CTNND2: variants seen among roughly 807,000 people sequenced by gnomAD.
The protein encoded by CTNND2 is catenin delta 2.
In CTNND2, 22 loss-of-function variants were observed where a neutral mutation model predicts 144.4. The ratio of observed to expected loss-of-function variants is 0.15; its 90% CI spans 0.11 to 0.22. The LOEUF (loss-of-function observed/expected upper bound fraction) is 0.22. Among genes scored for constraint, CTNND2 ranks in the 10% least tolerant of loss-of-function variants. The pLI, the probability that CTNND2 is intolerant of heterozygous loss-of-function variation, is 1.00. For missense variants in CTNND2, 1,353 were observed against 1,618.8 expected (o/e 0.84, Z 2.82); for synonymous variants, 751 against 695.6 (o/e 1.08, Z -1.25).
chr5:11,120,976 G>A (rs972050159), intron 12 of CTNND2, among the ~76,000 whole-genome samples: 3 of 152,096 alleles, frequency 2.0e-5, no homozygotes, highest in Admixed American at 6.5e-5. Context: ...CTGTTCCTCC[G>A]TCTTCCCCAC....
At chr5:11,742,277 G>A (rs1293555924) in intron 1 of CTNND2, among the ~76,000 whole-genome samples, 1 of 152,050 alleles carries the variant, frequency 6.6e-6, no homozygotes, top group Non-Finnish European at 1.5e-5. Flanking sequence ...CTTCAGGAAG[G>A]TCCCTTTTTA....
intron 13 of CTNND2, among the ~76,000 whole-genome samples, chr5:11,111,879 C>T (rs1194321029): frequency 6.6e-6 from 1 of 150,792 alleles, no homozygotes; most frequent in South Asian, 2.1e-4. Flanking sequence ...CGGAGTCTCG[C>T]TTTGTCGCCC....
intron 9 of CTNND2, among the ~76,000 whole-genome samples, chr5:11,272,269 A>G (rs1044063690): frequency 6.6e-6 from 1 of 152,160 alleles, no homozygotes; most frequent in African/African-American, 2.4e-5. Flanking sequence ...ACACCACTCT[A>G]TAGCCACTCA....
intron 2 of CTNND2, among the ~76,000 whole-genome samples, chr5:11,655,293 G>C (rs1420722992): frequency 6.6e-6 from 1 of 151,590 alleles, no homozygotes; most frequent in African/African-American, 2.4e-5. Context: ...TATTTAACCT[G>C]TTAAGGAAAC....
At chr5:11,235,343 C>T (rs889875350) in intron 10 of CTNND2, among the ~76,000 whole-genome samples, 9 of 152,056 alleles carry the variant, frequency 5.9e-5, no homozygotes, top group African/African-American at 1.4e-4. Flanking sequence ...AGAAATCTGT[C>T]CTTTATTTTG....
chr5:11,300,467 C>A (rs1749471989), intron 9 of CTNND2, among the ~76,000 whole-genome samples: 1 of 152,098 alleles, frequency 6.6e-6, no homozygotes. Flanking sequence ...CTCCTTGTCC[C>A]CCAGATGTTC....
chr5:11,122,294 G>A (rs924862418), intron 12 of CTNND2, among the ~76,000 whole-genome samples: 7 of 151,346 alleles, frequency 4.6e-5, no homozygotes, highest in African/African-American at 1.2e-4. Flanking sequence ...ATACAGCATC[G>A]CAAGTAAAAT....
intron 3 of CTNND2, among the ~76,000 whole-genome samples, chr5:11,524,217 C>A (rs1773012771): frequency 6.6e-6 from 1 of 152,168 alleles, no homozygotes; most frequent in South Asian, 2.1e-4. Flanking sequence ...CTCCACAGGA[C>A]TCTTCAGCCT....
intron 1 of CTNND2, among the ~76,000 whole-genome samples, chr5:11,788,013 A>G (rs1021317459): frequency 4.6e-5 from 7 of 152,216 alleles, no homozygotes; most frequent in Non-Finnish European, 8.8e-5. Flanking sequence ...TATGCTTAAA[A>G]TCCAATGATA....
chr5:11,781,992 G>A (rs138130666), intron 1 of CTNND2, among the ~76,000 whole-genome samples: 14 of 152,258 alleles, frequency 9.2e-5, no homozygotes, highest in East Asian at 3.9e-4. Flanking sequence ...ATCCAACCAC[G>A]TCATGGGAGG....
At chr5:11,274,016 T>C (rs1241102734) in intron 9 of CTNND2, among the ~76,000 whole-genome samples, 1 of 152,142 alleles carries the variant, frequency 6.6e-6, no homozygotes, top group Non-Finnish European at 1.5e-5. Context: ...TTTCCCATGT[T>C]TTATTTCGAC....
At chr5:11,580,679 A>C (rs929466915) in intron 2 of CTNND2, among the ~76,000 whole-genome samples, 2 of 152,238 alleles carry the variant, frequency 1.3e-5, no homozygotes. Context: ...TGACAACAAA[A>C]GCAGTTCAAA....
rs367948295 is a variant in CTNND2, at chr5:11,347,332, G to A, written c.1373-705C>T. Among the ~76,000 whole-genome samples, 14 of 152,284 alleles carry A rather than the reference G, an allele frequency of 9.2e-5. No homozygotes were observed. In the East Asian group the frequency reaches 2.3e-3, roughly 25 times the overall value. ...CCCAACTGCAAGGCAGACAAAATAA[G>A]GAGCTGACTTAGCTTTTCTGAAAGT... is the stretch of plus-strand genomic sequence containing the variant. On this transcript the variant is annotated intron_variant, in intron 8 of 21. Coordinates refer to ENST00000304623, the MANE Select transcript of CTNND2 (RefSeq NM_001332.4).
chr5:11,698,437 C>T (rs946311754), intron 2 of CTNND2, among the ~76,000 whole-genome samples: 13 of 151,746 alleles, frequency 8.6e-5, no homozygotes, highest in Non-Finnish European at 1.8e-4. Context: ...TAAAGGCATG[C>T]GCCACCACGT....
At chr5:11,549,429 C>T (rs1437973341) in intron 3 of CTNND2, among the ~76,000 whole-genome samples, 1 of 152,158 alleles carries the variant, frequency 6.6e-6, no homozygotes, top group Non-Finnish European at 1.5e-5. Flanking sequence ...ATACATTTGT[C>T]CTTGATTGGC....
At chr5:11,042,137 C>A (rs540407132) in intron 16 of CTNND2, among the ~76,000 whole-genome samples, 1 of 152,150 alleles carries the variant, frequency 6.6e-6, no homozygotes, top group Non-Finnish European at 1.5e-5. Context: ...GTCTGGGGCC[C>A]TGCTGCTACT....
At chr5:11,035,427 T>A (rs979715638) in intron 16 of CTNND2, among the ~76,000 whole-genome samples, 4 of 152,230 alleles carry the variant, frequency 2.6e-5, no homozygotes, top group African/African-American at 9.6e-5. Context: ...GACCCTTTCA[T>A]TTGCCTCCAG....
chr5:11,615,571 C>T (rs1213438764), intron 2 of CTNND2, among the ~76,000 whole-genome samples: 2 of 152,090 alleles, frequency 1.3e-5, no homozygotes, highest in African/African-American at 4.8e-5. Context: ...AAATCATCTA[C>T]TCAAAACCCT....
intron 9 of CTNND2, among the ~76,000 whole-genome samples, chr5:11,253,080 G>T (rs1743838400): frequency 6.6e-6 from 1 of 152,106 alleles, no homozygotes; most frequent in South Asian, 2.1e-4. Flanking sequence ...TTATTCCAGG[G>T]CCCAGGGTCA....
Sources: gnomAD v4.1 joint callset for allele counts (sites outside exome capture counted in the v4.1 genomes callset) on GRCh38, gnomAD v4.1.1 for gene constraint, MANE v1.5 for transcripts, NCBI Gene and HGNC (gene_info 2026-07-23, HGNC 2026-07-21) for gene names.